Variants in PCDHGB2 observed in about 807,000 individuals in gnomAD.
The protein encoded by PCDHGB2 is protocadherin gamma subfamily B, 2, also known as protocadherin gamma-B2.
A neutral mutation model predicts 59.3 loss-of-function variants in PCDHGB2; 55 were observed. The observed-to-expected ratio is 0.93, with a 90% CI of 0.75 to 1.16. PCDHGB2 has a LOEUF of 1.16. Among genes scored for constraint, PCDHGB2 ranks in the 50% most tolerant of loss-of-function variants. The probability of loss-of-function intolerance (pLI) is 0.00; values close to 1 mark genes in which losing one functional copy is unlikely to be tolerated. For missense variants in PCDHGB2, 1,228 were observed against 1,198.5 expected, an observed-to-expected ratio of 1.02 and a Z score of -0.36; for synonymous variants, 516 against 512.0, an observed-to-expected ratio of 1.01 and a Z score of -0.11.
At chr5:141,468,758 C>G (rs929005462) in intron 1 of PCDHGB2, among the ~76,000 whole-genome samples, 1 of 151,802 alleles carries the variant, frequency 6.6e-6, no homozygotes, top group Admixed American at 6.6e-5. Context: ...CCCAGCTACT[C>G]GGGAGGCTGA....
Position 141,366,331 on chromosome 5 carries a change from G to C in PCDHGB2, c.2421+3775G>C, listed in dbSNP as rs1425078679. 11 of 1,613,846 alleles carry C rather than the reference G, an allele frequency of 6.8e-6. No homozygotes were observed. In the East Asian group the frequency reaches 1.6e-4, roughly 23 times the overall value. On this transcript the variant is annotated intron_variant, in intron 1 of 3. Coordinates refer to ENST00000522605, the MANE Select transcript of PCDHGB2 (RefSeq NM_018923.3). The stretch of plus-strand genomic sequence containing the variant: ...CGGTCACCGTTGCCGTGGCCGACAG[G>C]ATCCCTGACATCCTGGCTGACCTAG...
chr5:141,375,058 A>G (rs1346702145), intron 1 of PCDHGB2: 1 of 1,613,948 alleles, frequency 6.2e-7, no homozygotes, highest in Non-Finnish European at 8.5e-7. Flanking sequence ...GGGATGGGCC[A>G]GGTCTTCGAG....
chr5:141,389,780 C>T (rs746524585), intron 1 of PCDHGB2: 1 of 1,613,310 alleles, frequency 6.2e-7, no homozygotes, highest in South Asian at 1.1e-5. Flanking sequence ...CCTTAGGCGA[C>T]AGGGACGCCG....
intron 1 of PCDHGB2, among the ~76,000 whole-genome samples, chr5:141,482,981 A>T (rs1377809325): frequency 6.7e-6 from 1 of 150,250 alleles, no homozygotes; most frequent in Admixed American, 6.6e-5. Flanking sequence ...GCTACTTGAG[A>T]GGTCGAGGCA....
At chr5:141,363,892 G>C (rs1763101718) in intron 1 of PCDHGB2, among the ~76,000 whole-genome samples, 1 of 152,144 alleles carries the variant, frequency 6.6e-6, no homozygotes, top group Non-Finnish European at 1.5e-5. Flanking sequence ...AGGCTCCCCC[G>C]ATGACGCATT....
At chr5:141,500,411 G>A (rs376320602) in intron 2 of PCDHGB2, among the ~76,000 whole-genome samples, 4 of 151,592 alleles carry the variant, frequency 2.6e-5, no homozygotes, top group East Asian at 2.0e-4. Context: ...GGGTTTCACC[G>A]TGTTAGCCAG....
intron 1 of PCDHGB2, among the ~76,000 whole-genome samples, chr5:141,382,287 C>G (rs1263948846): frequency 7.2e-5 from 11 of 152,114 alleles, no homozygotes; most frequent in Non-Finnish European, 1.5e-4. Context: ...TCAATTAATA[C>G]TGAATTAATT....
chr5:141,371,629 G>A (rs749054700), intron 1 of PCDHGB2: 6 of 1,613,866 alleles, frequency 3.7e-6, no homozygotes, highest in South Asian at 1.1e-5. Context: ...GCCCTGGACC[G>A]GGAGCAGATC....
chr5:141,414,644 A>C lies in PCDHGB2; in HGVS notation c.2421+52088A>C, dbSNP rs1310121141. 6.2e-7 allele frequency: 1 copy of C among 1,613,982 alleles called. No individual in the cohort carries two copies. Among genetic ancestry groups the C allele is most frequent in the Non-Finnish European group, 8.5e-7 (1 of 1,179,894 alleles). ...GACCCGGACAGCAAAGAGAATGCCC[A>C]GATTATTTACTCCCTGGCTGAAGAC... On this transcript the variant is annotated intron_variant, in intron 1 of 3. Transcript: ENST00000522605.
At chr5:141,419,325 A>C in intron 1 of PCDHGB2, 1 of 1,613,702 alleles carries the variant, frequency 6.2e-7, no homozygotes, top group African/African-American at 1.3e-5. Flanking sequence ...CGTGTCTCCT[A>C]CTCTCTCATT....
At chr5:141,426,946 C>T (rs565370434) in intron 1 of PCDHGB2, 5 of 456,668 alleles carry the variant, frequency 1.1e-5, no homozygotes, top group Non-Finnish European at 2.2e-5. Context: ...CCAGTCCCAA[C>T]TGGCACTGCT....
chr5:141,404,325 C>G (rs762306578), intron 1 of PCDHGB2: 7 of 1,613,876 alleles, frequency 4.3e-6, no homozygotes, highest in Non-Finnish European at 5.9e-6. Flanking sequence ...GCCTCCTACT[C>G]AGTCTACCTC....
intron 1 of PCDHGB2, chr5:141,441,867 GCCTGGCTA>G (rs2098280856): frequency 1.2e-5 from 4 of 345,682 alleles, no homozygotes; most frequent in Non-Finnish European, 2.3e-5. Flanking sequence ...ACGCCGCGGA[GCCTGGCTA>G]CCTGGTCACC....
intron 1 of PCDHGB2, among the ~76,000 whole-genome samples, chr5:141,420,737 A>G (rs1156969170): frequency 1.3e-5 from 2 of 152,244 alleles, no homozygotes; most frequent in Non-Finnish European, 2.9e-5. Flanking sequence ...GTTAAAATCA[A>G]TTGGAACCAA....
At position 141,503,509 on chromosome 5, in the gene PCDHGB2, G is replaced by A. The variant is rs373282648; in HGVS notation, c.2481-1884G>A. ...AGCTGCTCAAGAGGCTGAGGCAGGA[G>A]AATCACTTGAACCTGGGAGGCAGAG... On this transcript the variant is annotated intron_variant, in intron 2 of 3. Transcript: ENST00000522605. Among the ~76,000 whole-genome samples the A allele has an allele frequency of 9.4e-5, 14 of 149,410 alleles. No individual in the cohort carries two copies. The South Asian group carries it at 1.5e-3, about 16-fold the overall frequency.
intron 1 of PCDHGB2, among the ~76,000 whole-genome samples, chr5:141,458,248 G>A (rs173682): frequency 3.3e-5 from 5 of 152,112 alleles, no homozygotes; most frequent in African/African-American, 9.7e-5. Flanking sequence ...AAAATGATAC[G>A]GCTCTGATGA....
At chr5:141,480,178 C>T (rs143309515) in intron 1 of PCDHGB2, among the ~76,000 whole-genome samples, 346 of 150,752 alleles carry the variant, frequency 2.3e-3, no homozygotes, top group Non-Finnish European at 2.8e-3. Flanking sequence ...CTGAGGCAGG[C>T]GGATTGCTTG....
chr5:141,458,695 G>T (rs551105765), intron 1 of PCDHGB2, among the ~76,000 whole-genome samples: 2 of 151,734 alleles, frequency 1.3e-5, no homozygotes, highest in Non-Finnish European at 2.9e-5. Context: ...TCAGCCTCCC[G>T]AGTAGCTGGG....
intron 1 of PCDHGB2, chr5:141,475,820 C>G (rs890721743): frequency 1.1e-5 from 4 of 351,810 alleles, no homozygotes; most frequent in Non-Finnish European, 1.5e-5. Context: ...AAGTTCCTGG[C>G]GCTAGCGCGT....
Sources: gnomAD v4.1 joint callset for allele counts (sites outside exome capture counted in the v4.1 genomes callset) on GRCh38, gnomAD v4.1.1 for gene constraint, MANE v1.5 for transcripts, NCBI Gene and HGNC (gene_info 2026-07-23, HGNC 2026-07-21) for gene names.